Variants in DNAH11 observed in about 807,000 individuals in gnomAD.
The protein encoded by DNAH11 is axonemal beta dynein heavy chain 11.
A neutral mutation model predicts 526.0 loss-of-function variants in DNAH11; 442 were observed. The observed-to-expected ratio is 0.84, with a 90% CI of 0.78 to 0.91. The LOEUF (loss-of-function observed/expected upper bound fraction) is 0.91, where lower values mean the gene tolerates loss of function less well. Ranked by LOEUF, DNAH11 falls within the 40% of genes least tolerant of loss-of-function variation. DNAH11 has a pLI of 0.00. For synonymous variants in DNAH11, 2,461 were observed against 1,935.9 expected (o/e 1.27, Z -7.12); for missense variants, 6,989 against 5,448.7 (o/e 1.28, Z -8.90).
intron 15 of DNAH11, 37 bp downstream of exon 15, chr7:21,600,156 T>C (rs1459229128): frequency 1.3e-6 from 2 of 1,482,960 alleles, no homozygotes; most frequent in Admixed American, 4.5e-5. Context: ...GCTTTTATAT[T>C]AATGATTCAA....
chr7:21,898,744 C>T lies in DNAH11; in HGVS notation c.13050-592C>T, dbSNP rs146362336. Among the ~76,000 whole-genome samples the T allele has an allele frequency of 1.8e-3, 279 of 152,326 alleles. 1 individual carries two copies. The highest frequency in any genetic ancestry group is 3.0e-3 in the Non-Finnish European group (204 of 68,024). On this transcript the variant is annotated intron_variant, in intron 79 of 81. Coordinates refer to ENST00000409508, the MANE Select transcript of DNAH11 (RefSeq NM_001277115.2). The stretch of plus-strand genomic sequence containing the variant: ...TGAGGAGCCGAGAAGAGAACATGTA[C>T]GTAACAGCAGCGTTTCTCAACCCAC...
intron 55 of DNAH11, among the ~76,000 whole-genome samples, chr7:21,773,195 G>T (rs1222513347): frequency 1.3e-5 from 2 of 152,148 alleles, no homozygotes; most frequent in African/African-American, 2.4e-5. Flanking sequence ...CATTGAAGGA[G>T]AGTTGCTCTT....
intron 66 of DNAH11, among the ~76,000 whole-genome samples, chr7:21,847,975 C>T (rs972945722): frequency 1.3e-5 from 2 of 151,926 alleles, no homozygotes; most frequent in Non-Finnish European, 2.9e-5. Context: ...ACCATCCTGG[C>T]TAACATGGTG....
At chr7:21,649,847 G>C (rs1305830496) in intron 28 of DNAH11, among the ~76,000 whole-genome samples, 1 of 152,020 alleles carries the variant, frequency 6.6e-6, no homozygotes, top group East Asian at 1.9e-4. Flanking sequence ...TGTATTTTTA[G>C]TAGAGATGGG....
At chr7:21,758,671 C>T (rs1786746373) in intron 54 of DNAH11, among the ~76,000 whole-genome samples, 1 of 152,142 alleles carries the variant, frequency 6.6e-6, no homozygotes, top group Non-Finnish European at 1.5e-5. Context: ...AAGAGAATTC[C>T]AAAGAGTGAG....
chr7:21,827,988 G>A (rs969574208), intron 65 of DNAH11, among the ~76,000 whole-genome samples: 3 of 149,776 alleles, frequency 2.0e-5, no homozygotes, highest in African/African-American at 4.9e-5. Context: ...TTGCTCTGTC[G>A]CCCAGGCTGG....
chr7:21,685,400 C>A (rs1458651605), intron 32 of DNAH11, among the ~76,000 whole-genome samples: 1 of 152,132 alleles, frequency 6.6e-6, no homozygotes, highest in Non-Finnish European at 1.5e-5. Context: ...AGAAGAATCA[C>A]CATGTGGGTT....
intron 8 of DNAH11, 43 bp from the exon 9 acceptor site, chr7:21,581,862 G>T: frequency 7.9e-7 from 1 of 1,273,884 alleles, no homozygotes; most frequent in Non-Finnish European, 1.1e-6. Flanking sequence ...TTTCGCTGTT[G>T]GATTATTTCC....
chr7:21,869,018 CTG>C, intron 73 of DNAH11, 27 bp downstream of exon 73: 1 of 1,613,298 alleles, frequency 6.2e-7, no homozygotes, highest in Non-Finnish European at 8.5e-7. Context: ...AGGGAAGACA[CTG>C]GGCATAAACA....
At chr7:21,834,748 G>A (rs1219205538) in intron 65 of DNAH11, among the ~76,000 whole-genome samples, 1 of 152,124 alleles carries the variant, frequency 6.6e-6, no homozygotes, top group South Asian at 2.1e-4. Flanking sequence ...TGGAGGCCGA[G>A]GCAGGGGGAT....
At chr7:21,738,613 G>A (rs1200644754) in intron 46 of DNAH11, 88 bp from the exon 47 acceptor site, 32 of 1,354,346 alleles carry the variant, frequency 2.4e-5, no homozygotes, top group African/African-American at 3.0e-5. Flanking sequence ...GGATGAAATC[G>A]ACAGAAGAAG....
At chr7:21,552,499 C>T (rs1783059706) in intron 2 of DNAH11, among the ~76,000 whole-genome samples, 1 of 152,080 alleles carries the variant, frequency 6.6e-6, no homozygotes, top group East Asian at 1.9e-4. Context: ...GCAATTTGTT[C>T]TTAGAGACTT....
At chr7:21,578,506 C>T (rs1784187554) in intron 8 of DNAH11, among the ~76,000 whole-genome samples, 1 of 152,202 alleles carries the variant, frequency 6.6e-6, no homozygotes. Context: ...TGAGTGCCTG[C>T]AGCTTTTCCA....
chr7:21,678,580 A>C (rs1583586821), intron 30 of DNAH11, among the ~76,000 whole-genome samples: 1 of 150,818 alleles, frequency 6.6e-6, no homozygotes, highest in East Asian at 1.9e-4. Flanking sequence ...TTTTTTCTAC[A>C]TCTGCAAAAA....
intron 66 of DNAH11, chr7:21,851,690 G>T: frequency 2.1e-6 from 1 of 470,696 alleles, no homozygotes; most frequent in South Asian, 1.6e-5. Flanking sequence ...CCCCTCTGAA[G>T]TTTTAATTCA....
chr7:21,709,170 T>C (rs542630271), intron 40 of DNAH11, among the ~76,000 whole-genome samples: 1 of 152,276 alleles, frequency 6.6e-6, no homozygotes, highest in South Asian at 2.1e-4. Context: ...AGACGTGGAA[T>C]CAACCTAAGT....
At chr7:21,860,521 T>C (rs1053577965) in intron 68 of DNAH11, among the ~76,000 whole-genome samples, 2 of 152,220 alleles carry the variant, frequency 1.3e-5, no homozygotes, top group African/African-American at 4.8e-5. Flanking sequence ...TTATTTACAA[T>C]AGCCAAAAGG....
intron 68 of DNAH11, among the ~76,000 whole-genome samples, chr7:21,856,143 A>T (rs1782839240): frequency 6.6e-6 from 1 of 152,158 alleles, no homozygotes; most frequent in South Asian, 2.1e-4. Flanking sequence ...GGTGGGAAAG[A>T]CTGAATCACG....
At chr7:21,647,919 A>G (rs908250794) in intron 28 of DNAH11, among the ~76,000 whole-genome samples, 1 of 152,208 alleles carries the variant, frequency 6.6e-6, no homozygotes, top group Non-Finnish European at 1.5e-5. Context: ...AAGTTCTTCA[A>G]GCAAAAGGAA....
Sources: allele counts gnomAD v4.1 joint callset (sites outside exome capture counted in the v4.1 genomes callset), GRCh38; gene constraint gnomAD v4.1.1; transcripts MANE v1.5; gene names NCBI Gene and HGNC (gene_info 2026-07-23, HGNC 2026-07-21).